Variants in SH2D4A observed in about 807,000 individuals in gnomAD.
The protein encoded by SH2D4A is SH2 domain containing 4A, also known as SH2 domain-containing protein 4A.
A neutral mutation model predicts 64.7 loss-of-function variants in SH2D4A; 70 were observed. The ratio of observed to expected loss-of-function variants is 1.08; its 90% CI spans 0.89 to 1.32. The LOEUF is 1.32. Ranked by LOEUF, SH2D4A falls within the 40% of genes most tolerant of loss-of-function variation. The pLI, the probability that SH2D4A is intolerant of heterozygous loss-of-function variation, is 0.00. For missense variants in SH2D4A, 706 were observed against 540.1 expected (o/e 1.31, Z -3.04); for synonymous variants, 268 against 200.7 (o/e 1.34, Z -2.83).
intron 8 of SH2D4A, among the ~76,000 whole-genome samples, chr8:19,392,286 T>A (rs1012257662): frequency 6.6e-6 from 1 of 152,206 alleles, no homozygotes; most frequent in African/African-American, 2.4e-5. Flanking sequence ...AGCTACAGGC[T>A]AAGGTACTTT....
At chr8:19,377,462 C>G (rs1005796894) in intron 8 of SH2D4A, among the ~76,000 whole-genome samples, 2 of 152,206 alleles carry the variant, frequency 1.3e-5, no homozygotes, top group African/African-American at 4.8e-5. Context: ...TTGTATCCTT[C>G]ACTGCTCTTC....
In SH2D4A at chr8:19,364,136, C is replaced by A; in HGVS notation, c.771C>A (p.Tyr257Ter). The A allele has an allele frequency of 6.2e-7, 1 of 1,614,106 alleles. No homozygotes were observed. Among genetic ancestry groups the A allele is most frequent in the Non-Finnish European group, 8.5e-7 (1 of 1,179,996 alleles). ...TGGCTAAACAAGCACGAGAAGACTA[C>A]AAGAGGTTATCCCTCGGGGCCCAGA... The part of the protein sequence containing the change: ...RSLAKQARED[Y>*]KRLSLGAQKG... Residue 257 changes from tyrosine (Y) to a stop codon, truncating the protein, a stop_gained, in exon 7 of 10, where the codon TAC becomes TAA. Coordinates refer to ENST00000265807, the MANE Select transcript of SH2D4A (RefSeq NM_022071.4). LOFTEE classifies it high-confidence loss of function.
At chr8:19,334,559 G>C (rs1043540425) in intron 3 of SH2D4A, 127 bp from the exon 4 acceptor site, 1 of 1,014,200 alleles carries the variant, frequency 9.9e-7, no homozygotes, top group African/African-American at 1.6e-5. Context: ...GGCCCAGCAT[G>C]TTAGAAGCAC....
chr8:19,365,078 A>G (rs11997068), intron 7 of SH2D4A, among the ~76,000 whole-genome samples: 4 of 152,144 alleles, frequency 2.6e-5, no homozygotes, highest in Admixed American at 1.3e-4. Flanking sequence ...AAAGCCTTGC[A>G]TTCTGAAATA....
At chr8:19,314,347 C>T (rs1377682033) in intron 1 of SH2D4A, among the ~76,000 whole-genome samples, 1 of 152,108 alleles carries the variant, frequency 6.6e-6, no homozygotes, top group Non-Finnish European at 1.5e-5. Flanking sequence ...GCTGGCGCAG[C>T]ACCCCCGCAG....
chr8:19,374,597 A>G (rs1178093675), intron 8 of SH2D4A, among the ~76,000 whole-genome samples: 4 of 152,206 alleles, frequency 2.6e-5, no homozygotes, highest in South Asian at 4.1e-4. Flanking sequence ...AGGAATAGCT[A>G]TTTGTGACAG....
At chr8:19,345,547 A>T (rs569804452) in intron 4 of SH2D4A, among the ~76,000 whole-genome samples, 1 of 152,334 alleles carries the variant, frequency 6.6e-6, no homozygotes, top group African/African-American at 2.4e-5. Context: ...TCTGTAAATA[A>T]GGCACAGATG....
At chr8:19,328,242 T>C (rs1166480561) in intron 2 of SH2D4A, among the ~76,000 whole-genome samples, 1 of 152,192 alleles carries the variant, frequency 6.6e-6, no homozygotes, top group African/African-American at 2.4e-5. Context: ...CAAGTCTACA[T>C]GGCTAATCTC....
At position 19,373,609 on chromosome 8, in the gene SH2D4A, C is replaced by T; in HGVS notation, c.997C>T (p.Leu333Phe). Residue 333 changes from leucine (L) to phenylalanine (F), a missense_variant, in exon 8 of 10, where the codon CTT becomes TTT. Physicochemically the swap from Leu to Phe is conservative, Grantham distance 22 (BLOSUM62 0). Transcript: ENST00000265807. ...IRWFKEEQLP[L>F]RAGYQKTSDT... ...GTGGTTTAAAGAGGAGCAGCTACCA[C>T]TTCGAGCGGGCTACCAGAAAACCTC... is the stretch of plus-strand genomic sequence containing the variant. 6.2e-7 allele frequency: 1 copy of T among 1,613,460 alleles called. No homozygotes were observed. Among genetic ancestry groups the T allele is most frequent in the Non-Finnish European group, 8.5e-7 (1 of 1,179,654 alleles).
rs2052149433 is a variant in SH2D4A, at chr8:19,319,546, A to C, written c.-2A>C. ...AGTATAAAAGACTTCAGAAGTGCAA[A>C]GATGCTGAAACAGATACTGTCGGAG... On this transcript the variant is annotated 5_prime_UTR_variant, in exon 2 of 10. Transcript: ENST00000265807. 5.9e-6 allele frequency: 9 copies of C among 1,518,572 alleles called. No individual in the cohort carries two copies. Among genetic ancestry groups the C allele is most frequent in the Non-Finnish European group, 7.1e-6 (8 of 1,132,898 alleles). The allele number at this position is 1,518,572 out of a possible 1,614,324, so 94.1% of individuals were successfully genotyped here.
chr8:19,345,395 A>C (rs764896919), intron 4 of SH2D4A, among the ~76,000 whole-genome samples: 18 of 152,228 alleles, frequency 1.2e-4, no homozygotes, highest in African/African-American at 3.9e-4. Flanking sequence ...TCTTATCACT[A>C]CTAGCTGTCA....
chr8:19,329,303 T>C (rs1349564021), intron 2 of SH2D4A, among the ~76,000 whole-genome samples: 1 of 152,204 alleles, frequency 6.6e-6, no homozygotes, highest in East Asian at 1.9e-4. Flanking sequence ...GTGGTTATAA[T>C]GTATGCTGCC....
chr8:19,357,183 G>C lies in SH2D4A; in HGVS notation c.514-20G>C. On this transcript the variant is annotated intron_variant, in intron 4 of 9. Coordinates refer to ENST00000265807, the MANE Select transcript of SH2D4A (RefSeq NM_022071.4). The stretch of plus-strand genomic sequence containing the variant: ...CACTGCAGCTCCAAATGCCATAAAT[G>C]TGTTTCGTTTAATTTTTAGTCACTC... The C allele has an allele frequency of 6.3e-7, 1 of 1,582,804 alleles. No homozygotes were observed.
rs137947438 is a variant in SH2D4A at position 19,348,769 on chromosome 8, A to T, written c.514-8434A>T. On this transcript the variant is annotated intron_variant, in intron 4 of 9. Coordinates refer to ENST00000265807, the MANE Select transcript of SH2D4A (RefSeq NM_022071.4). Reference sequence around the variant, plus strand: ...CAGGTTAAGAGTGAAAAGCAGTATTAGCAAAATAACACTTTAAGGTGATTT... The same window carrying T: ...CAGGTTAAGAGTGAAAAGCAGTATTTGCAAAATAACACTTTAAGGTGATTT... 5.9e-5 allele frequency among the ~76,000 whole-genome samples: 9 copies of T among 152,362 alleles called. No homozygotes were observed. In the East Asian group the frequency reaches 1.7e-3, roughly 29 times the overall value.
chr8:19,373,678 C>G lies in SH2D4A; in HGVS notation c.1048+18C>G. 6.2e-7 allele frequency: 1 copy of G among 1,611,398 alleles called. No homozygotes were observed. Among genetic ancestry groups the G allele is most frequent in the East Asian group, 2.2e-5 (1 of 44,776 alleles). On this transcript the variant is annotated intron_variant, in intron 8 of 9. Transcript: ENST00000265807. ...GTTCCATGGTGAGTGCAGAGATTTC[C>G]TCAATGGTGTTTCGTCTTAGGGCGG...
intron 2 of SH2D4A, 103 bp from the exon 3 acceptor site, chr8:19,332,852 T>A: frequency 9.7e-7 from 1 of 1,033,764 alleles, no homozygotes; most frequent in Non-Finnish European, 1.4e-6. Context: ...GATATATATA[T>A]ATATATTTTC....
At chr8:19,362,176 C>A (rs1370204441) in intron 6 of SH2D4A, among the ~76,000 whole-genome samples, 3 of 152,126 alleles carry the variant, frequency 2.0e-5, no homozygotes, top group African/African-American at 7.2e-5. Context: ...ACAACCAATG[C>A]CATTTAAATG....
chr8:19,349,783 G>A (rs2052668181), intron 4 of SH2D4A, among the ~76,000 whole-genome samples: 1 of 152,064 alleles, frequency 6.6e-6, no homozygotes, highest in African/African-American at 2.4e-5. Context: ...ATACAGTCTC[G>A]CTCTCTACCT....
At position 19,314,105 on chromosome 8, in the gene SH2D4A, G is replaced by A. The variant is rs552360468; in HGVS notation, c.-205+282G>A. On this transcript the variant is annotated intron_variant, in intron 1 of 9. Transcript: ENST00000265807. ...GTGAGCGGCGGTCCCCGGGGCCTGGGGGCTTGCAGGGGGTGGCGGGGGAAC... is the reference window on the plus strand; with the variant it reads ...GTGAGCGGCGGTCCCCGGGGCCTGGAGGCTTGCAGGGGGTGGCGGGGGAAC... 6.1e-3 allele frequency: 7,018 copies of A among 1,159,204 alleles called. 41 individuals carry two copies. Among genetic ancestry groups the A allele is most frequent in the South Asian group, 0.015 (357 of 23,936 alleles). 71.8% of individuals were successfully genotyped at this position (1,159,204 alleles called of 1,614,324 possible).
Sources: gnomAD v4.1 joint callset for allele counts (sites outside exome capture counted in the v4.1 genomes callset) on GRCh38, gnomAD v4.1.1 for gene constraint, MANE v1.5 for transcripts, NCBI Gene and HGNC (gene_info 2026-07-23, HGNC 2026-07-21) for gene names.